Variants in GLI3 observed in about 807,000 individuals in gnomAD.
The protein encoded by GLI3 is transcription activator GLI3.
A neutral mutation model predicts 100.8 loss-of-function variants in GLI3; 20 were observed. The ratio of observed to expected loss-of-function variants is 0.20; its 90% CI spans 0.14 to 0.29. The LOEUF is 0.29. GLI3 is among the 10% of genes least tolerant of loss of function. GLI3 has a pLI of 1.00. For synonymous variants in GLI3, 938 were observed against 860.5 expected, an observed-to-expected ratio of 1.09 and a Z score of -1.58; for missense variants, 2,040 against 2,128.5, an observed-to-expected ratio of 0.96 and a Z score of 0.82.
chr7:42,092,096 C>A (rs771386175), intron 3 of GLI3, among the ~76,000 whole-genome samples: 7 of 152,230 alleles, frequency 4.6e-5, no homozygotes, highest in Non-Finnish European at 8.8e-5. Flanking sequence ...CACACATTCA[C>A]TGGTAATTAA....
chr7:42,064,353 T>C (rs1784631888), intron 4 of GLI3, among the ~76,000 whole-genome samples: 1 of 152,140 alleles, frequency 6.6e-6, no homozygotes, highest in Admixed American at 6.5e-5. Context: ...TAAAGATCAT[T>C]TAATTAATTT....
intron 3 of GLI3, among the ~76,000 whole-genome samples, chr7:42,078,141 C>T (rs1033685568): frequency 7.9e-5 from 12 of 152,272 alleles, no homozygotes; most frequent in Admixed American, 2.0e-4. Context: ...CCGCTGAAGT[C>T]GGCTGCATCC....
intron 2 of GLI3, among the ~76,000 whole-genome samples, chr7:42,157,147 A>G (rs1243524384): frequency 2.0e-5 from 3 of 152,182 alleles, no homozygotes; most frequent in Non-Finnish European, 2.9e-5. Flanking sequence ...CCTACACTCA[A>G]TCAGCCTCTG....
chr7:42,061,284 CTT>C, intron 4 of GLI3, among the ~76,000 whole-genome samples: 1 of 152,250 alleles, frequency 6.6e-6, no homozygotes, highest in South Asian at 2.1e-4. Context: ...CAGAATGAAT[CTT>C]TTATCAACAG....
chr7:42,208,205 A>G (rs1416791426), intron 2 of GLI3, among the ~76,000 whole-genome samples: 3 of 152,122 alleles, frequency 2.0e-5, no homozygotes, highest in Non-Finnish European at 2.9e-5. Flanking sequence ...CACATTTAAG[A>G]CAGAGGAGAG....
At chr7:42,078,208 T>C (rs1411180998) in intron 3 of GLI3, among the ~76,000 whole-genome samples, 2 of 152,208 alleles carry the variant, frequency 1.3e-5, no homozygotes, top group Non-Finnish European at 2.9e-5. Context: ...TTATTAGATG[T>C]GTGTAATGTT....
intron 2 of GLI3, among the ~76,000 whole-genome samples, chr7:42,189,306 T>C (rs1787780775): frequency 1.3e-5 from 2 of 152,188 alleles, no homozygotes; most frequent in African/African-American, 4.8e-5. Flanking sequence ...ACATGCAACG[T>C]ACAAAAATCC....
chr7:42,231,539 A>G (rs1261811482), intron 1 of GLI3, among the ~76,000 whole-genome samples: 2 of 152,168 alleles, frequency 1.3e-5, no homozygotes, highest in African/African-American at 4.8e-5. Context: ...CTGATATGGA[A>G]TTTCATTGTA....
intron 3 of GLI3, chr7:42,118,430 G>C (rs528683640): frequency 5.0e-6 from 2 of 397,326 alleles, no homozygotes; most frequent in Non-Finnish European, 8.9e-6. Flanking sequence ...GACTCAAAAT[G>C]GGCCTTCTAA....
intron 2 of GLI3, among the ~76,000 whole-genome samples, chr7:42,156,640 G>A (rs987136157): frequency 6.6e-6 from 1 of 152,212 alleles, no homozygotes; most frequent in Non-Finnish European, 1.5e-5. Context: ...CCAGGTTGCT[G>A]CCACCTGGCT....
intron 3 of GLI3, among the ~76,000 whole-genome samples, chr7:42,122,348 G>A (rs1206829507): frequency 1.3e-5 from 2 of 151,388 alleles, no homozygotes; most frequent in Non-Finnish European, 2.9e-5. Flanking sequence ...AGAACCATGA[G>A]GTCTGTAGGT....
chr7:42,022,050 T>C (rs1302321043), intron 10 of GLI3, among the ~76,000 whole-genome samples: 1 of 152,228 alleles, frequency 6.6e-6, no homozygotes, highest in Non-Finnish European at 1.5e-5. Context: ...AAGAATCGAA[T>C]TAAGTTCATG....
intron 3 of GLI3, among the ~76,000 whole-genome samples, chr7:42,144,873 G>A (rs1786664201): frequency 1.3e-5 from 2 of 152,034 alleles, no homozygotes; most frequent in African/African-American, 4.8e-5. Context: ...CTTTTCTTTT[G>A]ACCGGCTCAG....
chr7:42,114,900 C>T (rs1785810621), intron 3 of GLI3, among the ~76,000 whole-genome samples: 1 of 151,942 alleles, frequency 6.6e-6, no homozygotes, highest in South Asian at 2.1e-4. Context: ...GGGGGTTTCA[C>T]CATGTTAGCC....
chr7:41,997,835 A>C (rs1017414291), intron 10 of GLI3, among the ~76,000 whole-genome samples: 2 of 152,176 alleles, frequency 1.3e-5, no homozygotes, highest in Non-Finnish European at 2.9e-5. Flanking sequence ...ACTTGAACCA[A>C]TAATCTGTTT....
intron 4 of GLI3, among the ~76,000 whole-genome samples, chr7:42,074,993 C>G (rs6954947): frequency 0.012 from 1,865 of 152,168 alleles, 30 homozygotes; most frequent in African/African-American, 0.039. Flanking sequence ...ACTCTGCCTA[C>G]GAGGATGGTC....
Position 41,966,562 on chromosome 7 carries a change from G to A in GLI3, c.2511C>T (p.Asp837=), listed in dbSNP as rs1416685841. The A allele has an allele frequency of 5.0e-6, 8 of 1,614,054 alleles. No homozygotes were observed. Among genetic ancestry groups the A allele is most frequent in the East Asian group, 2.2e-5 (1 of 44,872 alleles). The change falls in exon 15 of 15, where the codon GAC becomes GAT. Residue 837 remains aspartate, a synonymous_variant. Transcript: ENST00000395925. The surrounding 1 kb of genome is among the most constrained non-coding windows in gnomAD (Gnocchi z 5.8). ...TGTTGAGCATGTTCAGCATAGTGAC[G>A]TCCACCCCAGAGAGGTCGCTTCTGC... ...LPGRSDLSGV[D]VTMLNMLNRR...
intron 4 of GLI3, among the ~76,000 whole-genome samples, chr7:42,064,499 G>A (rs920901381): frequency 2.6e-5 from 4 of 152,146 alleles, no homozygotes; most frequent in African/African-American, 4.8e-5. Flanking sequence ...CTTGTTTTAC[G>A]AAGATGATCA....
chr7:42,208,391 C>T (rs773708679), intron 2 of GLI3, among the ~76,000 whole-genome samples: 2 of 152,076 alleles, frequency 1.3e-5, no homozygotes, highest in African/African-American at 2.4e-5. Context: ...ATCTAATCTT[C>T]GTTAGATGAT....
Sources: allele counts gnomAD v4.1 joint callset (sites outside exome capture counted in the v4.1 genomes callset), GRCh38; gene constraint gnomAD v4.1.1; non-coding constraint Gnocchi (gnomAD v3.1); transcripts MANE v1.5; gene names NCBI Gene and HGNC (gene_info 2026-07-23, HGNC 2026-07-21).